Variants in PCDH15 observed in about 807,000 individuals in gnomAD.
The protein encoded by PCDH15 is protocadherin related 15, also known as protocadherin-15.
Under a neutral mutation model 178.5 loss-of-function variants are expected in PCDH15, and 129 were observed. The observed-to-expected ratio is 0.72, with a 90% CI of 0.63 to 0.84. The LOEUF is 0.84. Among genes scored for constraint, PCDH15 ranks in the 40% least tolerant of loss-of-function variants. PCDH15 has a pLI of 0.00. For missense variants in PCDH15, 2,230 were observed against 2,099.9 expected (o/e 1.06, Z -1.21); for synonymous variants, 800 against 732.0 (o/e 1.09, Z -1.50).
intron 1 of PCDH15, among the ~76,000 whole-genome samples, chr10:54,726,513 C>T (rs1942554653): frequency 6.7e-6 from 1 of 149,534 alleles, no homozygotes; most frequent in African/African-American, 2.5e-5. Flanking sequence ...TGAAACAGGA[C>T]CGAAAATGCT....
At chr10:55,556,913 AT>A (rs1178830883) in intron 2 of PCDH15, among the ~76,000 whole-genome samples, 2 of 152,162 alleles carry the variant, frequency 1.3e-5, no homozygotes, top group Non-Finnish European at 2.9e-5. Context: ...TTTATTAATC[AT>A]GTGTATTTGT....
chr10:55,359,751 C>G (rs201432375), intron 2 of PCDH15, among the ~76,000 whole-genome samples: 2 of 67,786 alleles, frequency 3.0e-5, no homozygotes, highest in Non-Finnish European at 7.4e-5. Flanking sequence ...TATATATACA[C>G]ACACACACAC....
At chr10:54,854,282 CAG>C (rs1401620103) in intron 3 of PCDH15, among the ~76,000 whole-genome samples, 1 of 152,160 alleles carries the variant, frequency 6.6e-6, no homozygotes, top group Non-Finnish European at 1.5e-5. Context: ...AGCCCTGACT[CAG>C]GGGGCTCCCA....
intron 2 of PCDH15, among the ~76,000 whole-genome samples, chr10:54,551,267 G>A (rs1427293501): frequency 6.6e-6 from 1 of 151,790 alleles, no homozygotes; most frequent in East Asian, 1.9e-4. Flanking sequence ...GACAGTGGGA[G>A]TGGGGACAAA....
At chr10:54,647,787 A>C (rs528186034) in intron 2 of PCDH15, among the ~76,000 whole-genome samples, 1 of 152,240 alleles carries the variant, frequency 6.6e-6, no homozygotes, top group South Asian at 2.1e-4. Flanking sequence ...GGCTCACCCC[A>C]GAAAATGCTA....
intron 2 of PCDH15, among the ~76,000 whole-genome samples, chr10:55,373,715 C>T (rs909954033): frequency 2.0e-5 from 3 of 152,062 alleles, no homozygotes; most frequent in African/African-American, 7.2e-5. Flanking sequence ...GACCCCCACC[C>T]AACTACGTAA....
intron 3 of PCDH15, among the ~76,000 whole-genome samples, chr10:54,400,833 A>G (rs1951838771): frequency 6.6e-6 from 1 of 152,004 alleles, no homozygotes. Context: ...AAGAGAAAAA[A>G]GCCAGAGGGA....
At chr10:54,208,405 A>G (rs2051050999) in intron 10 of PCDH15, among the ~76,000 whole-genome samples, 1 of 152,064 alleles carries the variant, frequency 6.6e-6, no homozygotes, top group African/African-American at 2.4e-5. Flanking sequence ...CCTAATCCAC[A>G]ATGTAATGCA....
At chr10:54,336,340 G>A (rs1941120633) in intron 6 of PCDH15, among the ~76,000 whole-genome samples, 1 of 152,154 alleles carries the variant, frequency 6.6e-6, no homozygotes, top group Non-Finnish European at 1.5e-5. Flanking sequence ...AAGGCATGGG[G>A]AAAATGTCTC....
chr10:54,001,202 T>A (rs1324768844), intron 20 of PCDH15, among the ~76,000 whole-genome samples: 1 of 151,894 alleles, frequency 6.6e-6, no homozygotes, highest in Non-Finnish European at 1.5e-5. Context: ...AGTTCTTCAA[T>A]AAAAAAAGAA....
chr10:55,405,550 T>C (rs1321720585), intron 2 of PCDH15, among the ~76,000 whole-genome samples: 2 of 151,654 alleles, frequency 1.3e-5, no homozygotes, highest in Non-Finnish European at 1.5e-5. Context: ...ATAGTGAGTA[T>C]CTTTGGAATT....
intron 2 of PCDH15, among the ~76,000 whole-genome samples, chr10:54,638,159 T>C (rs1412384036): frequency 1.3e-5 from 2 of 152,016 alleles, no homozygotes; most frequent in Non-Finnish European, 2.9e-5. Flanking sequence ...TGATGACTGA[T>C]GGTCTCATGA....
At chr10:55,420,153 A>G (rs1459717033) in intron 2 of PCDH15, among the ~76,000 whole-genome samples, 5 of 151,738 alleles carry the variant, frequency 3.3e-5, no homozygotes, top group Admixed American at 6.6e-5. Flanking sequence ...ATTTCCTTCA[A>G]AAGAATATTT....
intron 1 of PCDH15, among the ~76,000 whole-genome samples, chr10:54,669,005 T>C (rs914373297): frequency 1.3e-5 from 2 of 152,196 alleles, no homozygotes; most frequent in Admixed American, 1.3e-4. Context: ...AAACGTATGC[T>C]ATCTACCTGC....
At chr10:55,378,764 T>C (rs1003844238) in intron 2 of PCDH15, among the ~76,000 whole-genome samples, 1 of 151,952 alleles carries the variant, frequency 6.6e-6, no homozygotes, top group Non-Finnish European at 1.5e-5. Flanking sequence ...CCTTACTAAC[T>C]AGCATTAGGG....
At chr10:55,313,799 G>A (rs1425248921) in intron 1 of PCDH15, among the ~76,000 whole-genome samples, 2 of 152,082 alleles carry the variant, frequency 1.3e-5, no homozygotes, top group Non-Finnish European at 2.9e-5. Flanking sequence ...GAAAAACATT[G>A]CTGGACCAAT....
chr10:54,497,105 G>C (rs1172830230), intron 3 of PCDH15, among the ~76,000 whole-genome samples: 2 of 151,930 alleles, frequency 1.3e-5, no homozygotes, highest in Admixed American at 1.3e-4. Context: ...TGACCTCAAG[G>C]GGCCAGAGAA....
At chr10:54,266,115 A>C (rs2057663633) in intron 8 of PCDH15, among the ~76,000 whole-genome samples, 1 of 150,988 alleles carries the variant, frequency 6.6e-6, no homozygotes, top group South Asian at 2.1e-4. Flanking sequence ...ATAAAAATCA[A>C]TAGCAAGAGG....
chr10:55,307,614 TTCTC>T (rs148907102), intron 1 of PCDH15, among the ~76,000 whole-genome samples: 12,364 of 151,226 alleles, frequency 0.082, 1,088 homozygotes, highest in African/African-American at 0.23. Context: ...TACTTTCTTC[TTCTC>T]TCTCTCTCTG....
Sources: allele counts gnomAD v4.1 joint callset (sites outside exome capture counted in the v4.1 genomes callset), GRCh38; gene constraint gnomAD v4.1.1; transcripts MANE v1.5; gene names NCBI Gene and HGNC (gene_info 2026-07-23, HGNC 2026-07-21).